Variants in ASAP2 observed in about 807,000 individuals in gnomAD.
ASAP2 encodes arf-GAP with SH3 domain, ANK repeat and PH domain-containing protein 2.
In ASAP2, 45 loss-of-function variants were observed where a neutral mutation model predicts 131.4. That is an observed-to-expected ratio of 0.34 (90% CI 0.27 to 0.44). The LOEUF (loss-of-function observed/expected upper bound fraction) is 0.44. ASAP2 is among the 20% of genes least tolerant of loss of function. The pLI, the probability that ASAP2 is intolerant of heterozygous loss-of-function variation, is 1.00. For synonymous variants in ASAP2, 510 were observed against 503.0 expected (o/e 1.01, Z -0.19); for missense variants, 1,011 against 1,297.0 (o/e 0.78, Z 3.39).
intron 1 of ASAP2, among the ~76,000 whole-genome samples, chr2:9,278,089 A>G (rs183162099): frequency 6.2e-4 from 94 of 152,290 alleles, no homozygotes; most frequent in Non-Finnish European, 1.0e-3. Flanking sequence ...TGGACACTCA[A>G]TAGCAGTAGT....
At chr2:9,271,185 A>T (rs1048270545) in intron 1 of ASAP2, 5 of 570,678 alleles carry the variant, frequency 8.8e-6, no homozygotes, top group Non-Finnish European at 1.6e-5. Flanking sequence ...TGGTTACATT[A>T]TACAAGCTGT....
chr2:9,317,171 CCACACTCAA>C (rs1423830839), intron 3 of ASAP2, among the ~76,000 whole-genome samples: 2 of 121,806 alleles, frequency 1.6e-5, no homozygotes, highest in Non-Finnish European at 3.5e-5. Context: ...CACACTCTCA[CCACACTCAA>C]CACACACCCC....
chr2:9,265,426 G>A (rs1454985919), intron 1 of ASAP2, among the ~76,000 whole-genome samples: 1 of 152,164 alleles, frequency 6.6e-6, no homozygotes. Flanking sequence ...ACACATTTTT[G>A]TGCTCAGAGT....
intron 5 of ASAP2, among the ~76,000 whole-genome samples, chr2:9,322,144 A>G (rs1440506896): frequency 6.6e-6 from 1 of 152,200 alleles, no homozygotes; most frequent in Non-Finnish European, 1.5e-5. Flanking sequence ...TTAAACAACA[A>G]CATCCCTCCC....
intron 3 of ASAP2, among the ~76,000 whole-genome samples, chr2:9,299,230 G>T (rs1668339108): frequency 6.6e-6 from 1 of 152,144 alleles, no homozygotes; most frequent in Non-Finnish European, 1.5e-5. Flanking sequence ...CTACCCTGAG[G>T]CATCCCTGTG....
intron 2 of ASAP2, among the ~76,000 whole-genome samples, chr2:9,279,875 T>C (rs1180479896): frequency 1.2e-5 from 1 of 81,862 alleles, no homozygotes; most frequent in Non-Finnish European, 2.7e-5. Context: ...TTTTTACACA[T>C]ATATATTTAC....
chr2:9,378,870 C>A, intron 18 of ASAP2, 74 bp from the exon 19 acceptor site: 2 of 1,092,714 alleles, frequency 1.8e-6, no homozygotes, highest in Non-Finnish European at 2.4e-6. Context: ...GTAGCCCAGG[C>A]TCCCTGCCGG....
chr2:9,346,854 G>A (rs1272019190), intron 11 of ASAP2, among the ~76,000 whole-genome samples: 2 of 152,252 alleles, frequency 1.3e-5, no homozygotes, highest in East Asian at 3.8e-4. Flanking sequence ...ACTTCACTTC[G>A]AGTCACTTCC....
chr2:9,336,140 G>A (rs1671189201), intron 9 of ASAP2: 1 of 152,130 alleles, frequency 6.6e-6, no homozygotes, highest in African/African-American at 2.4e-5. Context: ...ATGGTTAGTA[G>A]CATTTTTTAT....
chr2:9,313,339 T>C (rs1487033171), intron 3 of ASAP2, among the ~76,000 whole-genome samples: 5 of 152,226 alleles, frequency 3.3e-5, no homozygotes, highest in African/African-American at 9.7e-5. Flanking sequence ...AATCTCAAAA[T>C]AGATGGATAA....
chr2:9,360,889 T>C (rs1048092465), intron 15 of ASAP2, among the ~76,000 whole-genome samples: 1 of 152,212 alleles, frequency 6.6e-6, no homozygotes, highest in African/African-American at 2.4e-5. Context: ...AGTTGACTCA[T>C]ATGAGCTGGT....
At chr2:9,317,268 C>T (rs898832919) in intron 3 of ASAP2, among the ~76,000 whole-genome samples, 3 of 150,470 alleles carry the variant, frequency 2.0e-5, no homozygotes, top group Non-Finnish European at 4.4e-5. Flanking sequence ...ATCACACACA[C>T]TCATATCCAC....
At chr2:9,391,980 A>G (rs1331540468) in intron 23 of ASAP2, among the ~76,000 whole-genome samples, 1 of 152,078 alleles carries the variant, frequency 6.6e-6, no homozygotes, top group Admixed American at 6.6e-5. Flanking sequence ...TCCTGGGTTC[A>G]AGGGATCCTC....
intron 2 of ASAP2, among the ~76,000 whole-genome samples, chr2:9,284,532 T>A (rs984055205): frequency 1.2e-4 from 19 of 152,218 alleles, no homozygotes; most frequent in Admixed American, 9.8e-4. Flanking sequence ...ACGATTATTT[T>A]ACCTTTCTGA....
chr2:9,368,467 G>C lies in ASAP2; in HGVS notation c.1504G>C (p.Glu502Gln), dbSNP rs1260673072. ...IGNAGFNEIMECCLPAEDSVK... is the reference protein window; with the variant it reads ...IGNAGFNEIMQCCLPAEDSVK... ...GAATGCAGGCTTTAATGAGATCATG[G>C]AATGTTGCCTACCAGCTGAGGACTC... Residue 502 changes from glutamate (E) to glutamine (Q), a missense_variant, in exon 16 of 28, where the codon GAA becomes CAA. This residue lies in a region of ASAP2 where 652 missense variants were observed against 698.9 expected (regional missense o/e 0.93). Transcript: ENST00000281419. The C allele has an allele frequency of 1.9e-6, 3 of 1,614,062 alleles. No individual in the cohort carries two copies. Among genetic ancestry groups the C allele is most frequent in the Non-Finnish European group, 2.5e-6 (3 of 1,180,046 alleles).
At position 9,388,344 on chromosome 2, in the gene ASAP2, C is replaced by G. The variant is rs1214645070; in HGVS notation, c.2181C>G (p.Gly727=). ...GGCCCATCAGCTTCTACCAGCTGGG[C>G]TCCAACCAGCTTCAGTCTAACGCTG... The part of the protein sequence containing the change: ...EDRPISFYQL[G]SNQLQSNAVS... Residue 727 remains glycine, a synonymous_variant, in exon 22 of 28, where the codon GGC becomes GGG. Coordinates refer to ENST00000281419, the MANE Select transcript of ASAP2 (RefSeq NM_003887.3). The G allele has an allele frequency of 6.2e-7, 1 of 1,614,182 alleles. No homozygotes were observed. The highest frequency in any genetic ancestry group is 1.1e-5 in the South Asian group (1 of 91,064).
intron 11 of ASAP2, among the ~76,000 whole-genome samples, chr2:9,349,210 G>T (rs1260408973): frequency 6.6e-6 from 1 of 152,160 alleles, no homozygotes; most frequent in Non-Finnish European, 1.5e-5. Context: ...TTTTGTCCAT[G>T]AAGGTGCTTC....
rs555149008 is a variant in ASAP2, at chr2:9,379,860, C to T, written c.1948+801C>T. Among the ~76,000 whole-genome samples, 6 of 151,906 alleles carry T rather than the reference C, an allele frequency of 3.9e-5. No homozygotes were observed. The South Asian group carries it at 6.2e-4, about 16-fold the overall frequency. On this transcript the variant is annotated intron_variant, in intron 19 of 27. Transcript: ENST00000281419. ...TACAAAAATTAGCCGGGTATGGTGGCGCGCACCTGTAGGCCCAGCTACTTG... is the reference window on the plus strand; with the variant it reads ...TACAAAAATTAGCCGGGTATGGTGGTGCGCACCTGTAGGCCCAGCTACTTG...
Position 9,238,203 on chromosome 2 carries a change from T to C in ASAP2, c.126+30973T>C, listed in dbSNP as rs149109242. Among the ~76,000 whole-genome samples, 330 of 152,370 alleles carry C rather than the reference T, an allele frequency of 2.2e-3. 2 individuals are homozygous for C. Among genetic ancestry groups the C allele is most frequent in the Admixed American group, 3.5e-3 (53 of 15,308 alleles). On this transcript the variant is annotated intron_variant, in intron 1 of 27. Coordinates refer to ENST00000281419, the MANE Select transcript of ASAP2 (RefSeq NM_003887.3). ...GCACACAGATGACAGGTTTAGATTG[T>C]ATGCTGGTTCCTTGTATTTGTTCTG...
Sources: allele counts gnomAD v4.1 joint callset (sites outside exome capture counted in the v4.1 genomes callset), GRCh38; gene constraint gnomAD v4.1.1; regional missense constraint gnomAD v4.1.1; transcripts MANE v1.5; gene names NCBI Gene and HGNC (gene_info 2026-07-23, HGNC 2026-07-21).